The following UBE2D4 variants were observed in gnomAD, a reference collection of about 807,000 sequenced individuals.
UBE2D4 encodes ubiquitin-conjugating enzyme E2 D4.
Under a neutral mutation model 23.0 loss-of-function variants are expected in UBE2D4, and 17 were observed. That is an observed-to-expected ratio of 0.74 (90% CI 0.51 to 1.11). UBE2D4 has a LOEUF of 1.11. UBE2D4 is among the 50% of genes least tolerant of loss of function. The probability of loss-of-function intolerance (pLI) is 0.00; values close to 1 mark genes in which losing one functional copy is unlikely to be tolerated. For synonymous variants in UBE2D4, 61 were observed against 69.4 expected (o/e 0.88, Z 0.60); for missense variants, 139 against 181.8 (o/e 0.76, Z 1.35).
At chr7:43,927,205 T>G (rs947734877) in intron 1 of UBE2D4, among the ~76,000 whole-genome samples, 2 of 151,086 alleles carry the variant, frequency 1.3e-5, no homozygotes, top group African/African-American at 5.0e-5. Context: ...TACCTTCAGT[T>G]TTTTTTCTAT....
chr7:43,932,191 A>G (rs969843755), intron 1 of UBE2D4, among the ~76,000 whole-genome samples: 4 of 149,604 alleles, frequency 2.7e-5, no homozygotes, highest in Admixed American at 6.7e-5. Context: ...GGGTTTCACC[A>G]TGTTAGCCAG....
rs1327379607 is a variant in UBE2D4 at position 43,955,546 on chromosome 7, A to C, written c.*2851A>C. The C allele has an allele frequency of 6.6e-6, 1 of 152,226 alleles. No individual in the cohort carries two copies. The highest frequency in any genetic ancestry group is 1.5e-5 in the Non-Finnish European group (1 of 68,038). 9.4% of individuals were successfully genotyped at this position (152,226 alleles called of 1,614,324 possible). On this transcript the variant is annotated 3_prime_UTR_variant, in exon 7 of 7. Transcript: ENST00000222402. The stretch of plus-strand genomic sequence containing the variant: ...ACAGGCCTGGTAGCTCACAGCTATC[A>C]ACACCCTAGAATTCCACACTGCCTC...
chr7:43,949,861 A>T (rs2528368), intron 5 of UBE2D4, among the ~76,000 whole-genome samples: 9,367 of 149,236 alleles, frequency 0.063, 311 homozygotes, highest in East Asian at 0.11. Flanking sequence ...GAATTTCTTT[A>T]TTTTTTTTTT....
intron 1 of UBE2D4, among the ~76,000 whole-genome samples, chr7:43,928,302 T>TG (rs1377579040): frequency 2.0e-5 from 3 of 152,206 alleles, no homozygotes; most frequent in East Asian, 1.9e-4. Context: ...GCATGAGATT[T>TG]GGGGGGGACA....
rs2095980133 is a variant in UBE2D4, at chr7:43,944,174, C to G, written c.198+1143C>G. On this transcript the variant is annotated intron_variant, in intron 4 of 6. Transcript: ENST00000222402. This position sits in a 1 kb window ranked among gnomAD's most constrained non-coding sequence, Gnocchi z 4.0. ...GGTTCAAGTGATTCTCCTGCTTCAG[C>G]CTCCTGAGTAGCTGGGACTACAGGC... The G allele has an allele frequency of 6.6e-6, 1 of 152,306 alleles. No individual in the cohort carries two copies. The highest frequency in any genetic ancestry group is 6.5e-5 in the Admixed American group (1 of 15,276). 9.4% of individuals were successfully genotyped at this position (152,306 alleles called of 1,614,324 possible). A position where few individuals can be genotyped will look rare whatever the true frequency, so the allele number is the denominator to read the frequency against.
intron 2 of UBE2D4, chr7:43,942,317 A>T (rs2095974882): frequency 5.8e-6 from 1 of 172,322 alleles, no homozygotes; most frequent in African/African-American, 2.4e-5. Context: ...CCATCTCAAA[A>T]AACTAAAAAA....
At chr7:43,932,957 C>G (rs1474805797) in intron 1 of UBE2D4, among the ~76,000 whole-genome samples, 3 of 141,740 alleles carry the variant, frequency 2.1e-5, no homozygotes, top group Non-Finnish European at 4.5e-5. Context: ...CCATCCAGTT[C>G]CCCTCCTGGG....
chr7:43,942,823 T>C lies in UBE2D4; in HGVS notation c.89-3T>C, dbSNP rs984319643. 7.4e-6 allele frequency: 12 copies of C among 1,614,108 alleles called. No homozygotes were observed. Among genetic ancestry groups the C allele is most frequent in the African/African-American group, 1.3e-5 (1 of 74,936 alleles). On this transcript the variant is annotated splice_polypyrimidine_tract_variant and splice_region_variant and intron_variant, in intron 2 of 6. Coordinates refer to ENST00000222402, the MANE Select transcript of UBE2D4 (RefSeq NM_015983.4). ...ACATGCCCGTCTCTCTTTTGTTTTG[T>C]AGTGTTCCACTGGCAGGCCACCATC...
rs935727909 is a variant in UBE2D4, at chr7:43,955,521, A to G, written c.*2826A>G. ...TAAAATGCCAGAATGCAAATGTCCA[A>G]CAGGCCTGGTAGCTCACAGCTATCA... On this transcript the variant is annotated 3_prime_UTR_variant, in exon 7 of 7. Coordinates refer to ENST00000222402, the MANE Select transcript of UBE2D4 (RefSeq NM_015983.4). 1.3e-5 allele frequency: 2 copies of G among 152,216 alleles called. No homozygotes were observed. Among genetic ancestry groups the G allele is most frequent in the Admixed American group, 6.5e-5 (1 of 15,274 alleles). The allele number at this position is 152,216 out of a possible 1,614,324, so 9.4% of individuals were successfully genotyped here. A position where few individuals can be genotyped will look rare whatever the true frequency, so the allele number is the denominator to read the frequency against.
intron 4 of UBE2D4, among the ~76,000 whole-genome samples, chr7:43,946,602 C>G (rs1304193781): frequency 6.6e-6 from 1 of 152,164 alleles, no homozygotes; most frequent in Non-Finnish European, 1.5e-5. Context: ...GGAAATTGTT[C>G]CATATGATCA....
chr7:43,946,199 G>A (rs983389746), intron 4 of UBE2D4: 9 of 152,234 alleles, frequency 5.9e-5, no homozygotes, highest in Admixed American at 2.6e-4. Context: ...ACCTGACTCA[G>A]AGCACCTTGC....
intron 6 of UBE2D4, 97 bp from the exon 7 acceptor site, chr7:43,952,553 A>T: frequency 9.2e-7 from 1 of 1,081,168 alleles, no homozygotes; most frequent in South Asian, 1.3e-5. Flanking sequence ...AAGCAGCAGC[A>T]GCAGCATTCC....
intron 1 of UBE2D4, among the ~76,000 whole-genome samples, chr7:43,927,634 C>G (rs533647533): frequency 8.5e-5 from 13 of 152,094 alleles, no homozygotes; most frequent in Non-Finnish European, 2.9e-5. Context: ...TAACTTTCCA[C>G]AAGTACATGA....
At chr7:43,930,463 G>C (rs538705434) in intron 1 of UBE2D4, among the ~76,000 whole-genome samples, 1 of 152,230 alleles carries the variant, frequency 6.6e-6, no homozygotes, top group East Asian at 1.9e-4. Flanking sequence ...TAGTTAGTTA[G>C]TTAGTTTTTT....
Position 43,950,693 on chromosome 7 carries a change from G to A in UBE2D4, c.398+1G>A, listed in dbSNP as rs1251186062. 6.2e-7 allele frequency: 1 copy of A among 1,613,696 alleles called. No individual in the cohort carries two copies. The highest frequency in any genetic ancestry group is 1.7e-5 in the Admixed American group (1 of 60,032). ...ACACCTACAAGGCCGACAGAGAGAAGTACGTGTCCTCTTTGGGTTGCCTTT... is the reference window on the plus strand; with the variant it reads ...ACACCTACAAGGCCGACAGAGAGAAATACGTGTCCTCTTTGGGTTGCCTTT... On this transcript the variant is annotated splice_donor_variant, in intron 6 of 6. Coordinates refer to ENST00000222402, the MANE Select transcript of UBE2D4 (RefSeq NM_015983.4). LOFTEE classifies it high-confidence loss of function.
At position 43,953,377 on chromosome 7, in the gene UBE2D4, C is replaced by A; in HGVS notation, c.*682C>A. 1 of 350,998 alleles carries A rather than the reference C, an allele frequency of 2.8e-6. No homozygotes were observed. Among genetic ancestry groups the A allele is most frequent in the Non-Finnish European group, 5.6e-6 (1 of 178,218 alleles). The allele number at this position is 350,998 out of a possible 1,614,324, so 21.7% of individuals were successfully genotyped here. ...TAAGAGATGATTATGTTTTTAGAAG[C>A]AAGAGCAAAATTATGAAACCTCTAG... On this transcript the variant is annotated 3_prime_UTR_variant, in exon 7 of 7. Transcript: ENST00000222402.
At chr7:43,928,783 G>T (rs1239018236) in intron 1 of UBE2D4, among the ~76,000 whole-genome samples, 1 of 152,210 alleles carries the variant, frequency 6.6e-6, no homozygotes, top group African/African-American at 2.4e-5. Context: ...GGTGGTGTCA[G>T]TGTCTAGGAT....
At position 43,952,739 on chromosome 7, in the gene UBE2D4, G is replaced by A. The variant is rs1294273085; in HGVS notation, c.*44G>A. On this transcript the variant is annotated 3_prime_UTR_variant, in exon 7 of 7. Coordinates refer to ENST00000222402, the MANE Select transcript of UBE2D4 (RefSeq NM_015983.4). ...ATGAGACACTGTCCAAGAGAAGCTG[G>A]CAGAGAGGTCTTCCCTTAAAACTTT... The A allele has an allele frequency of 1.3e-6, 2 of 1,540,468 alleles. No homozygotes were observed. The highest frequency in any genetic ancestry group is 9.0e-7 in the Non-Finnish European group (1 of 1,113,276).
chr7:43,953,652 T>C lies in UBE2D4; in HGVS notation c.*957T>C, dbSNP rs142369141. 2 of 162,406 alleles carry C rather than the reference T, an allele frequency of 1.2e-5. No individual in the cohort carries two copies. Among genetic ancestry groups the C allele is most frequent in the East Asian group, 3.5e-4 (2 of 5,678 alleles). The allele number at this position is 162,406 out of a possible 1,614,324, so 10.1% of individuals were successfully genotyped here. ...AGTTATTTGAAGCCTTAAATTACAATAGCCTGTTAGGTGATCGGCTTTCTG... is the reference window on the plus strand; with the variant it reads ...AGTTATTTGAAGCCTTAAATTACAACAGCCTGTTAGGTGATCGGCTTTCTG... On this transcript the variant is annotated 3_prime_UTR_variant, in exon 7 of 7. Coordinates refer to ENST00000222402, the MANE Select transcript of UBE2D4 (RefSeq NM_015983.4).
Sources: allele counts gnomAD v4.1 joint callset (sites outside exome capture counted in the v4.1 genomes callset), GRCh38; gene constraint gnomAD v4.1.1; non-coding constraint Gnocchi (gnomAD v3.1); transcripts MANE v1.5; gene names NCBI Gene and HGNC (gene_info 2026-07-23, HGNC 2026-07-21).